EPB41L4A: variants seen among roughly 807,000 people sequenced by gnomAD.
The protein encoded by EPB41L4A is band 4.1-like protein 4A.
Under a neutral mutation model 108.6 loss-of-function variants are expected in EPB41L4A, and 100 were observed. The observed-to-expected ratio is 0.92, with a 90% CI of 0.78 to 1.09. The LOEUF (loss-of-function observed/expected upper bound fraction) is 1.09, where lower values mean the gene tolerates loss of function less well. EPB41L4A is among the 50% of genes least tolerant of loss of function. The pLI, the probability that EPB41L4A is intolerant of heterozygous loss-of-function variation, is 0.00. For synonymous variants in EPB41L4A, 319 were observed against 289.0 expected, an observed-to-expected ratio of 1.10 and a Z score of -1.05; for missense variants, 1,030 against 842.7, an observed-to-expected ratio of 1.22 and a Z score of -2.75.
chr5:112,320,386 A>T (rs987855542), intron 1 of EPB41L4A, among the ~76,000 whole-genome samples: 7 of 152,230 alleles, frequency 4.6e-5, no homozygotes, highest in African/African-American at 7.2e-5. Context: ...TTCCCCCTTA[A>T]CACAAAAGCC....
chr5:112,374,867 A>T (rs1007966439), intron 1 of EPB41L4A, among the ~76,000 whole-genome samples: 1 of 152,224 alleles, frequency 6.6e-6, no homozygotes, highest in African/African-American at 2.4e-5. Flanking sequence ...TTTCCCCACC[A>T]TCACCTAGAA....
At chr5:112,210,849 T>G (rs1762703671) in intron 12 of EPB41L4A, among the ~76,000 whole-genome samples, 1 of 152,034 alleles carries the variant, frequency 6.6e-6, no homozygotes, top group African/African-American at 2.4e-5. Context: ...CCTGTTCAAT[T>G]AGGTCTATGT....
At chr5:112,332,216 T>C (rs530981149) in intron 1 of EPB41L4A, among the ~76,000 whole-genome samples, 25 of 152,384 alleles carry the variant, frequency 1.6e-4, no homozygotes, top group African/African-American at 6.0e-4. Flanking sequence ...CACAGTCTTT[T>C]TGTTTTTAGT....
At chr5:112,398,852 T>C (rs1363423417) in intron 1 of EPB41L4A, among the ~76,000 whole-genome samples, 2 of 151,006 alleles carry the variant, frequency 1.3e-5, no homozygotes, top group African/African-American at 4.9e-5. Flanking sequence ...GGCTTCAAGG[T>C]GACACGTCCA....
chr5:112,191,202 T>TA (rs1491398131), intron 17 of EPB41L4A, among the ~76,000 whole-genome samples: 4 of 142,654 alleles, frequency 2.8e-5, no homozygotes, highest in African/African-American at 1.2e-4. Context: ...AGGGAAAACA[T>TA]AAACGATGTC....
intron 1 of EPB41L4A, among the ~76,000 whole-genome samples, chr5:112,345,768 CAT>C (rs113557925): frequency 0.019 from 2,314 of 119,068 alleles, 35 homozygotes; most frequent in Middle Eastern, 0.052. Context: ...TATATATATA[CAT>C]ATATATATAT....
rs146253150 is a variant in EPB41L4A at position 112,353,367 on chromosome 5, G to A, written c.100-45877C>T. Among the ~76,000 whole-genome samples, 12 of 152,330 alleles carry A rather than the reference G, an allele frequency of 7.9e-5. No homozygotes were observed. In the East Asian group the frequency reaches 2.3e-3, roughly 30 times the overall value. ...ACTTGCTTGGGTGCCGGCAGTGGCG[G>A]GCTGAGCAGGCCCTCAGGGCACTGG... On this transcript the variant is annotated intron_variant, in intron 1 of 22. Transcript: ENST00000261486.
chr5:112,260,204 CA>C (rs747675151), intron 7 of EPB41L4A, among the ~76,000 whole-genome samples: 1 of 152,196 alleles, frequency 6.6e-6, no homozygotes, highest in Non-Finnish European at 1.5e-5. Flanking sequence ...CTTGTTACTT[CA>C]GTTCATTAAA....
intron 1 of EPB41L4A, among the ~76,000 whole-genome samples, chr5:112,405,573 T>G (rs933967093): frequency 1.3e-5 from 2 of 152,148 alleles, no homozygotes; most frequent in African/African-American, 4.8e-5. Flanking sequence ...TCCCCAGAGG[T>G]GATTGGGGAT....
chr5:112,228,333 C>T (rs2150351706), intron 12 of EPB41L4A: 1 of 152,376 alleles, frequency 6.6e-6, no homozygotes, highest in Admixed American at 6.5e-5. Context: ...TGCACAGAAA[C>T]AACTGGCTTG....
intron 12 of EPB41L4A, among the ~76,000 whole-genome samples, chr5:112,156,839 C>A (rs1759665197): frequency 6.6e-6 from 1 of 152,062 alleles, no homozygotes; most frequent in African/African-American, 2.4e-5. Flanking sequence ...ATCCTGAAGA[C>A]AAGCGTAATC....
At chr5:112,216,115 A>C (rs1747620575) in intron 12 of EPB41L4A, among the ~76,000 whole-genome samples, 1 of 152,192 alleles carries the variant, frequency 6.6e-6, no homozygotes, top group African/African-American at 2.4e-5. Context: ...CCTCCATCTT[A>C]AGTGATCCTT....
chr5:112,419,793 G>A (rs1004689269), upstream of EPB41L4A: 27 of 456,646 alleles, frequency 5.9e-5, no homozygotes, highest in Non-Finnish European at 9.3e-5. Flanking sequence ...TCGTCGCGGG[G>A]TGTGGCTCCC....
Position 112,307,374 on chromosome 5 carries a change from C to G in EPB41L4A, c.204+12G>C. The G allele has an allele frequency of 6.4e-7, 1 of 1,567,578 alleles. No individual in the cohort carries two copies. Among genetic ancestry groups the G allele is most frequent in the South Asian group, 1.1e-5 (1 of 89,372 alleles). ...TAACCAGAAAAATTTAACACAAAGT[C>G]ACCTTACTCACCGTCTGATGGCTTC... On this transcript the variant is annotated intron_variant, in intron 2 of 22. Coordinates refer to ENST00000261486, the MANE Select transcript of EPB41L4A (RefSeq NM_022140.5).
chr5:112,155,406 A>G (rs1561432344), intron 12 of EPB41L4A, among the ~76,000 whole-genome samples: 1 of 152,172 alleles, frequency 6.6e-6, no homozygotes, highest in Non-Finnish European at 1.5e-5. Flanking sequence ...TTTGAGATAC[A>G]TCACAAACAC....
chr5:112,286,001 G>C (rs1753254266), intron 2 of EPB41L4A, among the ~76,000 whole-genome samples: 1 of 152,032 alleles, frequency 6.6e-6, no homozygotes. Flanking sequence ...CTCGGGCCAA[G>C]CTACTTTCTA....
Position 112,164,953 on chromosome 5 carries a change from C to T in EPB41L4A, c.*37G>A. 6.4e-7 allele frequency: 1 copy of T among 1,550,846 alleles called. No homozygotes were observed. Among genetic ancestry groups the T allele is most frequent in the Non-Finnish European group, 8.7e-7 (1 of 1,153,350 alleles). ...GTTTCAAAAGTACCAGTGGCGCACA[C>T]AACCTTCCCACCCCTACCCTTGACC... is the stretch of plus-strand genomic sequence containing the variant. On this transcript the variant is annotated 3_prime_UTR_variant, in exon 23 of 23. Coordinates refer to ENST00000261486, the MANE Select transcript of EPB41L4A (RefSeq NM_022140.5).
At chr5:112,190,441 C>T (rs1283158014) in intron 17 of EPB41L4A, among the ~76,000 whole-genome samples, 1 of 152,132 alleles carries the variant, frequency 6.6e-6, no homozygotes, top group East Asian at 1.9e-4. Context: ...ACCCCCAGCA[C>T]CTACCCATGA....
At chr5:112,234,874 G>A (rs1484215349) in intron 11 of EPB41L4A, 119 bp from the exon 12 acceptor site, 3 of 1,073,688 alleles carry the variant, frequency 2.8e-6, no homozygotes, top group African/African-American at 1.6e-5. Context: ...AGACTCCCTG[G>A]TTTTTAATTG....
Sources: allele counts gnomAD v4.1 joint callset (sites outside exome capture counted in the v4.1 genomes callset), GRCh38; gene constraint gnomAD v4.1.1; transcripts MANE v1.5; gene names NCBI Gene and HGNC (gene_info 2026-07-23, HGNC 2026-07-21).